The following KCNH7 variants were observed in gnomAD, a reference collection of about 807,000 sequenced individuals.
KCNH7 encodes the protein voltage-gated inwardly rectifying potassium channel KCNH7.
A neutral mutation model predicts 120.8 loss-of-function variants in KCNH7; 49 were observed. That is an observed-to-expected ratio of 0.41 (90% CI 0.32 to 0.51). KCNH7 has a LOEUF of 0.51. Among genes scored for constraint, KCNH7 ranks in the 20% least tolerant of loss-of-function variants. The pLI, the probability that KCNH7 is intolerant of heterozygous loss-of-function variation, is 0.38. For missense variants in KCNH7, 1,097 were observed against 1,446.6 expected (o/e 0.76, Z 3.92); for synonymous variants, 547 against 516.1 (o/e 1.06, Z -0.81).
At chr2:162,380,384 T>C (rs1267659598) in intron 13 of KCNH7, among the ~76,000 whole-genome samples, 12 of 152,122 alleles carry the variant, frequency 7.9e-5, no homozygotes, top group Admixed American at 7.9e-4. Context: ...CATATGTTGT[T>C]TGCACCGCAT....
intron 2 of KCNH7, among the ~76,000 whole-genome samples, chr2:162,624,568 TAC>T (rs991638596): frequency 1.7e-4 from 26 of 152,178 alleles, no homozygotes; most frequent in African/African-American, 6.3e-4. Context: ...TCTTTTATTA[TAC>T]ACTCTCACCT....
intron 2 of KCNH7, among the ~76,000 whole-genome samples, chr2:162,708,429 T>C (rs2105353842): frequency 6.6e-6 from 1 of 152,176 alleles, no homozygotes; most frequent in Admixed American, 6.6e-5. Context: ...CCGAAAGTAT[T>C]GAGGGACACA....
chr2:162,716,519 G>A (rs1687129992), intron 2 of KCNH7, among the ~76,000 whole-genome samples: 1 of 152,052 alleles, frequency 6.6e-6, no homozygotes, highest in South Asian at 2.1e-4. Flanking sequence ...CTAGATTGCT[G>A]AGTGCTTTAC....
At chr2:162,657,896 C>A (rs1227551663) in intron 2 of KCNH7, among the ~76,000 whole-genome samples, 1 of 151,836 alleles carries the variant, frequency 6.6e-6, no homozygotes, top group East Asian at 1.9e-4. Context: ...TTCTAGATGG[C>A]TTTGGTATTA....
chr2:162,421,403 A>C (rs1375198886), intron 9 of KCNH7, among the ~76,000 whole-genome samples: 1 of 152,180 alleles, frequency 6.6e-6, no homozygotes, highest in African/African-American at 2.4e-5. Context: ...ATATTGTTAG[A>C]GGTCAAGTCA....
rs371099463 is a variant in KCNH7, at chr2:162,518,424, C to A, written c.464-266G>T. 3.1e-4 allele frequency among the ~76,000 whole-genome samples: 47 copies of A among 151,846 alleles called. 1 individual carries two copies. The highest frequency in any genetic ancestry group is 1.1e-3 in the African/African-American group (45 of 41,496). On this transcript the variant is annotated intron_variant, in intron 3 of 15. Coordinates refer to ENST00000332142, the MANE Select transcript of KCNH7 (RefSeq NM_033272.4). ...ATAAAAGTATTTTGATGACATGAGACTTTTAGTTTTAATAAAATAAAAACA... is the reference window on the plus strand; with the variant it reads ...ATAAAAGTATTTTGATGACATGAGAATTTTAGTTTTAATAAAATAAAAACA...
In KCNH7 at chr2:162,567,289, T is replaced by C. The variant is rs140227575; in HGVS notation, c.308-30209A>G. Reference sequence around the variant, plus strand: ...TTAAGAACAAAAGAGATCCCTCTTTTTTACTCTCTTTTCTTCCTGCCTTCC... The same window carrying C: ...TTAAGAACAAAAGAGATCCCTCTTTCTTACTCTCTTTTCTTCCTGCCTTCC... On this transcript the variant is annotated intron_variant, in intron 2 of 15. Coordinates refer to ENST00000332142, the MANE Select transcript of KCNH7 (RefSeq NM_033272.4). 7.2e-5 allele frequency among the ~76,000 whole-genome samples: 11 copies of C among 152,144 alleles called. No homozygotes were observed. The East Asian group carries it at 2.1e-3, about 29-fold the overall frequency.
At chr2:162,568,111 G>A (rs1413309029) in intron 2 of KCNH7, among the ~76,000 whole-genome samples, 1 of 151,914 alleles carries the variant, frequency 6.6e-6, no homozygotes, top group Non-Finnish European at 1.5e-5. Context: ...TCACATGGCA[G>A]CAGAAGAAGG....
intron 2 of KCNH7, among the ~76,000 whole-genome samples, chr2:162,780,703 C>T (rs1574380815): frequency 1.3e-5 from 2 of 152,124 alleles, no homozygotes; most frequent in Middle Eastern, 3.4e-3. Flanking sequence ...AAGTTAGTTA[C>T]GTGTAAAATG....
intron 2 of KCNH7, among the ~76,000 whole-genome samples, chr2:162,760,323 T>C (rs765717773): frequency 1.3e-5 from 2 of 152,146 alleles, no homozygotes; most frequent in Non-Finnish European, 2.9e-5. Context: ...TCACAAACCA[T>C]CATTCAGAAA....
At chr2:162,487,353 A>G (rs1690132070) in intron 6 of KCNH7, among the ~76,000 whole-genome samples, 1 of 152,194 alleles carries the variant, frequency 6.6e-6, no homozygotes, top group African/African-American at 2.4e-5. Context: ...GTTGTGCTAT[A>G]TTTATATTTT....
chr2:162,757,561 A>G (rs1322569651), intron 2 of KCNH7, among the ~76,000 whole-genome samples: 1 of 152,206 alleles, frequency 6.6e-6, no homozygotes, highest in East Asian at 1.9e-4. Context: ...AAAAATGTAT[A>G]TATCTTTAGA....
At chr2:162,802,205 C>A (rs1684375845) in intron 2 of KCNH7, among the ~76,000 whole-genome samples, 1 of 151,638 alleles carries the variant, frequency 6.6e-6, no homozygotes, top group Non-Finnish European at 1.5e-5. Flanking sequence ...ACTCTAGTTT[C>A]TTTTCAAAGA....
chr2:162,723,749 A>C (rs1308030836), intron 2 of KCNH7, among the ~76,000 whole-genome samples: 3 of 152,334 alleles, frequency 2.0e-5, no homozygotes, highest in African/African-American at 7.2e-5. Context: ...ATAGTTATGA[A>C]AAAATAATTT....
At chr2:162,834,505 G>T (rs1685585991) in intron 2 of KCNH7, among the ~76,000 whole-genome samples, 1 of 151,932 alleles carries the variant, frequency 6.6e-6, no homozygotes, top group Admixed American at 6.6e-5. Flanking sequence ...TTTACTAAAG[G>T]TTAATTTCTT....
chr2:162,522,262 G>C (rs1691558860), intron 3 of KCNH7, among the ~76,000 whole-genome samples: 1 of 151,846 alleles, frequency 6.6e-6, no homozygotes, highest in African/African-American at 2.4e-5. Flanking sequence ...ACGATGCATT[G>C]AAAGTCAATG....
At chr2:162,479,268 T>C (rs1215572034) in intron 6 of KCNH7, among the ~76,000 whole-genome samples, 2 of 151,956 alleles carry the variant, frequency 1.3e-5, no homozygotes, top group East Asian at 3.8e-4. Context: ...AAAATAATGC[T>C]AATTATTTAT....
intron 2 of KCNH7, among the ~76,000 whole-genome samples, chr2:162,813,528 C>A (rs1684808470): frequency 6.6e-6 from 1 of 152,182 alleles, no homozygotes; most frequent in Admixed American, 6.5e-5. Context: ...CATTCATTCT[C>A]TCCCAATTAT....
chr2:162,395,849 C>A (rs1267556088), intron 11 of KCNH7, among the ~76,000 whole-genome samples: 2 of 151,670 alleles, frequency 1.3e-5, no homozygotes, highest in Non-Finnish European at 3.0e-5. Context: ...AGTGTTAAAT[C>A]TACCCCCTCT....
Sources: gnomAD v4.1 joint callset for allele counts (sites outside exome capture counted in the v4.1 genomes callset) on GRCh38, gnomAD v4.1.1 for gene constraint, MANE v1.5 for transcripts, NCBI Gene and HGNC (gene_info 2026-07-23, HGNC 2026-07-21) for gene names.